ZNF596: variants seen among roughly 807,000 people sequenced by gnomAD.
The protein encoded by ZNF596 is zinc finger protein 596.
ZNF596 carries 45 observed loss-of-function variants against 48.3 expected under a neutral mutation model. The observed-to-expected ratio is 0.93, with a 90% CI of 0.73 to 1.19. ZNF596 has a LOEUF of 1.19. ZNF596 is among the 50% of genes most tolerant of loss of function. The pLI is 0.00. For synonymous variants in ZNF596, 270 were observed against 202.0 expected, an observed-to-expected ratio of 1.34 and a Z score of -2.85; for missense variants, 848 against 599.7, an observed-to-expected ratio of 1.41 and a Z score of -4.32.
chr8:245,494 T>G lies in ZNF596; in HGVS notation c.647T>G (p.Ile216Ser), dbSNP rs1797032667. ...KNSNLRRHEM[I>S]HTGEKPHGCH... The stretch of plus-strand genomic sequence containing the variant: ...TCTAATCTTAGGCGACATGAGATGA[T>G]TCACACTGGAGAGAAACCACACGGA... The change falls in exon 6 of 6, where the codon ATT becomes AGT. Residue 216 changes from isoleucine to serine, a missense_variant. Ile to Ser is a moderately radical substitution (Grantham distance 142). Transcript: ENST00000398612. 3.1e-6 allele frequency: 5 copies of G among 1,614,182 alleles called. No individual in the cohort carries two copies. Among genetic ancestry groups the G allele is most frequent in the Non-Finnish European group, 3.4e-6 (4 of 1,180,034 alleles).
rs1285707144 is a variant in ZNF596 at position 246,928 on chromosome 8, C to G, written c.*566C>G. On this transcript the variant is annotated 3_prime_UTR_variant, in exon 6 of 6. Coordinates refer to ENST00000398612, the MANE Select transcript of ZNF596 (RefSeq NM_001042416.3). ...ATTCAATGAAAACTCATGAGAAATC[C>G]TTTTCTTAATACAGCAGCACTTCTA... The G allele has an allele frequency of 6.5e-6, 1 of 153,738 alleles. No individual in the cohort carries two copies. Among genetic ancestry groups the G allele is most frequent in the African/African-American group, 2.4e-5 (1 of 41,546 alleles). 9.5% of individuals were successfully genotyped at this position (153,738 alleles called of 1,614,324 possible).
chr8:235,914 A>G (rs911311184), intron 1 of ZNF596, among the ~76,000 whole-genome samples: 3 of 152,148 alleles, frequency 2.0e-5, no homozygotes, highest in African/African-American at 7.2e-5. Flanking sequence ...TTTCACAACT[A>G]TTTTGACTGT....
rs751098857 is a variant in ZNF596 at position 243,798 on chromosome 8, ACTGCAAGGTGAGCT to A, written c.219_223+9del. ...AACTTTCAACACAAAGAATAAGCTT[ACTGCAAGGTGAGCT>A]CTAAGAAGCAGTGCTTCAATAGGAG... On this transcript the variant is annotated splice_donor_variant and splice_donor_5th_base_variant and coding_sequence_variant and intron_variant, in exon 4 of 6. Transcript: ENST00000398612. LOFTEE classifies it high-confidence loss of function. 91 of 1,613,148 alleles carry A rather than the reference ACTGCAAGGTGAGCT, an allele frequency of 5.6e-5. No homozygotes were observed. Among genetic ancestry groups the A allele is most frequent in the Middle Eastern group, 1.6e-4 (1 of 6,084 alleles).
intron 1 of ZNF596, among the ~76,000 whole-genome samples, chr8:236,818 A>C (rs1017444673): frequency 6.6e-6 from 1 of 152,250 alleles, no homozygotes; most frequent in African/African-American, 2.4e-5. Flanking sequence ...AAATGGCTAA[A>C]ATTGTATTGA....
At chr8:243,859 G>A (rs572658309) in intron 4 of ZNF596, 54 bp downstream of exon 4, 1 of 1,467,470 alleles carries the variant, frequency 6.8e-7, no homozygotes, top group Admixed American at 1.7e-5. Context: ...TGGCCAGTGA[G>A]TGAGTAGGAC....
At chr8:243,087 T>G in intron 3 of ZNF596, 74 bp downstream of exon 3, 1 of 1,430,370 alleles carries the variant, frequency 7.0e-7, no homozygotes, top group Admixed American at 1.9e-5. Context: ...GATTCATTCT[T>G]TCATTCTACA....
At chr8:239,667 T>C (rs1351339039) in intron 1 of ZNF596, among the ~76,000 whole-genome samples, 1 of 152,198 alleles carries the variant, frequency 6.6e-6, no homozygotes, top group African/African-American at 2.4e-5. Flanking sequence ...AGGAGGTCTG[T>C]CTCCAAGCAG....
At chr8:235,299 A>G (rs1458768547) in intron 1 of ZNF596, among the ~76,000 whole-genome samples, 1 of 152,226 alleles carries the variant, frequency 6.6e-6, no homozygotes, top group Non-Finnish European at 1.5e-5. Context: ...ACTGCTCTGC[A>G]AATGTCTGAG....
intron 1 of ZNF596, among the ~76,000 whole-genome samples, chr8:233,881 G>A (rs1031212342): frequency 5.3e-5 from 8 of 152,246 alleles, no homozygotes; most frequent in Admixed American, 3.9e-4. Context: ...TAGGGGGCAG[G>A]GATGTTAAGG....
rs769847673 is a variant in ZNF596 at position 246,223 on chromosome 8, G to T, written c.1376G>T (p.Ser459Ile). ...CNICGKAFNR[S>I]YNFRLHRRVH... ...ATATGTGGTAAAGCCTTCAATAGAA[G>T]TTACAACTTTAGACTTCATAGAAGA... is the stretch of plus-strand genomic sequence containing the variant. The change falls in exon 6 of 6, where the codon AGT (serine) becomes ATT (isoleucine). Residue 459 changes from serine to isoleucine, a missense_variant. Physicochemically the swap from Ser to Ile is moderately radical, Grantham distance 142. Transcript: ENST00000398612. 3.7e-6 allele frequency: 6 copies of T among 1,613,866 alleles called. No homozygotes were observed. The highest frequency in any genetic ancestry group is 1.7e-5 in the Admixed American group (1 of 60,004).
chr8:243,673 A>G (rs372255940), intron 3 of ZNF596, 49 bp from the exon 4 acceptor site: 17 of 1,589,760 alleles, frequency 1.1e-5, no homozygotes, highest in Admixed American at 1.7e-5. Flanking sequence ...AACCTTGTAC[A>G]TTTGTCAGCA....
chr8:243,143 G>T (rs1374984792), intron 3 of ZNF596, 130 bp downstream of exon 3: 9 of 766,312 alleles, frequency 1.2e-5, no homozygotes, highest in Non-Finnish European at 1.7e-5. Flanking sequence ...CTTCTGCTTT[G>T]ATCCTTTCAT....
At chr8:242,402 C>T (rs932350981) in intron 2 of ZNF596, among the ~76,000 whole-genome samples, 2 of 147,052 alleles carry the variant, frequency 1.4e-5, no homozygotes, top group African/African-American at 5.5e-5. Context: ...TACATACTAT[C>T]TCATTGGACC....
chr8:247,165 G>A lies in ZNF596; in HGVS notation c.*803G>A, dbSNP rs1797123873. ...AAAGCCATTGATGAGATGTATAGCT[G>A]GGGGACAAAACATAAAGCCATCAAG... On this transcript the variant is annotated 3_prime_UTR_variant, in exon 6 of 6. Coordinates refer to ENST00000398612, the MANE Select transcript of ZNF596 (RefSeq NM_001042416.3). The A allele has an allele frequency of 6.6e-6, 1 of 152,052 alleles. No homozygotes were observed. Among genetic ancestry groups the A allele is most frequent in the Non-Finnish European group, 1.5e-5 (1 of 68,016 alleles). 9.4% of individuals were successfully genotyped at this position (152,052 alleles called of 1,614,324 possible).
intron 3 of ZNF596, chr8:243,349 T>C (rs1796930423): frequency 7.6e-6 from 2 of 264,472 alleles, no homozygotes; most frequent in South Asian, 1.4e-4. Context: ...GTAATTATTC[T>C]ATCATAGGGA....
intron 1 of ZNF596, among the ~76,000 whole-genome samples, chr8:240,065 G>T (rs904552731): frequency 6.6e-6 from 1 of 152,198 alleles, no homozygotes; most frequent in Non-Finnish European, 1.5e-5. Flanking sequence ...GTTTTGGGTG[G>T]CTCTGTGCCA....
intron 4 of ZNF596, 39 bp from the exon 5 acceptor site, chr8:244,580 A>C: frequency 1.4e-6 from 2 of 1,442,448 alleles, no homozygotes; most frequent in Non-Finnish European, 9.7e-7. Flanking sequence ...TTATTCCCCT[A>C]ATGCCTATAT....
At chr8:240,567 C>A (rs1796811349) in intron 1 of ZNF596, 1 of 297,122 alleles carries the variant, frequency 3.4e-6, no homozygotes, top group Non-Finnish European at 6.2e-6. Context: ...TTAAACATTT[C>A]AGAATTCCAT....
At chr8:234,286 G>C (rs1206557430) in intron 1 of ZNF596, 3 of 152,258 alleles carry the variant, frequency 2.0e-5, no homozygotes, top group Non-Finnish European at 4.4e-5. Flanking sequence ...ATGTAAGGAT[G>C]TGTGTGGACT....
Sources: gnomAD v4.1 joint callset for allele counts (sites outside exome capture counted in the v4.1 genomes callset) on GRCh38, gnomAD v4.1.1 for gene constraint, MANE v1.5 for transcripts, NCBI Gene and HGNC (gene_info 2026-07-23, HGNC 2026-07-21) for gene names.